SMYD3: variants seen among roughly 807,000 people sequenced by gnomAD.
SMYD3 encodes the protein histone-lysine N-methyltransferase SMYD3.
SMYD3 carries 36 observed loss-of-function variants against 57.7 expected under a neutral mutation model. The observed-to-expected ratio is 0.62, with a 90% CI of 0.48 to 0.82. SMYD3 has a LOEUF of 0.82. Ranked by LOEUF, SMYD3 falls within the 40% of genes least tolerant of loss-of-function variation. The pLI, the probability that SMYD3 is intolerant of heterozygous loss-of-function variation, is 0.00. For missense variants in SMYD3, 515 were observed against 538.8 expected, an observed-to-expected ratio of 0.96 and a Z score of 0.44; for synonymous variants, 211 against 195.0, an observed-to-expected ratio of 1.08 and a Z score of -0.68.
chr1:246,347,371 C>T (rs1193913628), intron 2 of SMYD3, among the ~76,000 whole-genome samples: 5 of 152,054 alleles, frequency 3.3e-5, no homozygotes, highest in Admixed American at 3.3e-4. Flanking sequence ...AAAATCTATA[C>T]TTAGGCATGT....
At chr1:245,997,227 G>C (rs1349398945) in intron 5 of SMYD3, among the ~76,000 whole-genome samples, 4 of 152,228 alleles carry the variant, frequency 2.6e-5, no homozygotes, top group South Asian at 2.1e-4. Flanking sequence ...AGGAGAAAAA[G>C]ATCAATTTGT....
intron 5 of SMYD3, among the ~76,000 whole-genome samples, chr1:246,130,304 A>G (rs138115343): frequency 5.2e-4 from 79 of 152,248 alleles, no homozygotes; most frequent in African/African-American, 1.8e-3. Context: ...AGGCCTCCAT[A>G]TTTTCAGTGT....
intron 5 of SMYD3, among the ~76,000 whole-genome samples, chr1:246,179,692 C>T (rs1316080826): frequency 6.6e-6 from 1 of 152,172 alleles, no homozygotes; most frequent in African/African-American, 2.4e-5. Flanking sequence ...ATATATATTT[C>T]TCAAAACCCA....
Position 246,433,051 on chromosome 1 carries a change from G to A in SMYD3, c.164+74003C>T, listed in dbSNP as rs575210995. Among the ~76,000 whole-genome samples the A allele has an allele frequency of 3.2e-4, 48 of 152,250 alleles. No individual in the cohort carries two copies. In the South Asian group the frequency reaches 3.5e-3, roughly 11 times the overall value. On this transcript the variant is annotated intron_variant, in intron 1 of 11. Transcript: ENST00000490107. ...AACTCTCTCTCTTTGCAGACAATATGATTCTATACCTATAAAACCCTAAAG... is the reference window on the plus strand; with the variant it reads ...AACTCTCTCTCTTTGCAGACAATATAATTCTATACCTATAAAACCCTAAAG...
intron 5 of SMYD3, among the ~76,000 whole-genome samples, chr1:246,110,601 AAGAC>A (rs1021791257): frequency 6.6e-6 from 1 of 152,214 alleles, no homozygotes; most frequent in Non-Finnish European, 1.5e-5. Flanking sequence ...TCCCCGCTGC[AAGAC>A]AGACAGATCT....
chr1:245,954,822 G>C (rs1035767726), intron 5 of SMYD3, among the ~76,000 whole-genome samples: 1 of 152,016 alleles, frequency 6.6e-6, no homozygotes, highest in African/African-American at 2.4e-5. Flanking sequence ...TCTCTTACTT[G>C]CAACTTTCCA....
intron 10 of SMYD3, among the ~76,000 whole-genome samples, chr1:245,766,319 G>C (rs916267812): frequency 1.4e-5 from 2 of 147,486 alleles, no homozygotes; most frequent in African/African-American, 5.0e-5. Context: ...AGAAATGCTT[G>C]AATCCAGGAG....
At chr1:245,978,916 G>A (rs902427819) in intron 5 of SMYD3, among the ~76,000 whole-genome samples, 1 of 152,192 alleles carries the variant, frequency 6.6e-6, no homozygotes, top group Admixed American at 6.5e-5. Context: ...ACCTGGGAAA[G>A]AGACCAAAAA....
At chr1:245,927,565 C>A (rs114972604) in intron 7 of SMYD3, among the ~76,000 whole-genome samples, 10 of 152,074 alleles carry the variant, frequency 6.6e-5, no homozygotes, top group African/African-American at 2.4e-5. Context: ...GATGCCCCCC[C>A]CTGCCCACGG....
intron 5 of SMYD3, among the ~76,000 whole-genome samples, chr1:246,268,122 G>C (rs2064146623): frequency 6.6e-6 from 1 of 152,130 alleles, no homozygotes; most frequent in African/African-American, 2.4e-5. Context: ...AGGCCTACTG[G>C]GCTGCATTCC....
intron 5 of SMYD3, among the ~76,000 whole-genome samples, chr1:246,238,638 T>A (rs1038775036): frequency 5.9e-5 from 9 of 152,166 alleles, no homozygotes; most frequent in African/African-American, 1.9e-4. Flanking sequence ...GCAGATTTCA[T>A]TTTCGTTTTT....
chr1:246,446,785 T>C (rs553974827), intron 1 of SMYD3, among the ~76,000 whole-genome samples: 1 of 152,214 alleles, frequency 6.6e-6, no homozygotes, highest in East Asian at 1.9e-4. Context: ...ATCCCAGCAC[T>C]TTGGGAGGCT....
chr1:245,757,212 C>A (rs1444100984), intron 11 of SMYD3, among the ~76,000 whole-genome samples: 1 of 152,048 alleles, frequency 6.6e-6, no homozygotes, highest in East Asian at 1.9e-4. Flanking sequence ...ATTCTAGGTA[C>A]CTCATATAAG....
At chr1:245,915,808 T>TA (rs2055368961) in intron 7 of SMYD3, among the ~76,000 whole-genome samples, 168 bp from the exon 8 acceptor site, 1 of 152,244 alleles carries the variant, frequency 6.6e-6, no homozygotes, top group South Asian at 2.1e-4. Context: ...TGATCACACG[T>TA]AAATTTTTAA....
In SMYD3 at chr1:246,364,413, C is replaced by T. The variant is rs149025457; in HGVS notation, c.165-9319G>A. 9.6e-4 allele frequency among the ~76,000 whole-genome samples: 146 copies of T among 152,240 alleles called. 1 individual carries two copies. The highest frequency in any genetic ancestry group is 3.4e-3 in the African/African-American group (140 of 41,540). On this transcript the variant is annotated intron_variant, in intron 1 of 11. Transcript: ENST00000490107. ...CTAAGCACTTCTGATATGACAGGCA[C>T]AGTACGAAGCTCTTTACATCTATTA...
intron 5 of SMYD3, among the ~76,000 whole-genome samples, chr1:245,967,519 C>G (rs975645088): frequency 2.0e-5 from 3 of 152,194 alleles, no homozygotes. Flanking sequence ...GGAGTTGTCT[C>G]TGAAAAGCTG....
chr1:246,008,689 G>C (rs1047283451), intron 5 of SMYD3, among the ~76,000 whole-genome samples: 2 of 152,116 alleles, frequency 1.3e-5, no homozygotes, highest in African/African-American at 4.8e-5. Flanking sequence ...CAACACCGGG[G>C]AACAAAGCAG....
intron 1 of SMYD3, among the ~76,000 whole-genome samples, chr1:246,444,953 C>G (rs937096878): frequency 6.6e-6 from 1 of 152,326 alleles, no homozygotes; most frequent in Admixed American, 6.5e-5. Context: ...TTGGATTCCA[C>G]CTGTACTACT....
intron 5 of SMYD3, among the ~76,000 whole-genome samples, chr1:246,121,268 AAAGAAC>A (rs539198466): frequency 1.3e-5 from 2 of 152,302 alleles, no homozygotes; most frequent in East Asian, 3.9e-4. Flanking sequence ...GTGTAGCAAC[AAAGAAC>A]CATTTGGAAG....
Sources: gnomAD v4.1 joint callset for allele counts (sites outside exome capture counted in the v4.1 genomes callset) on GRCh38, gnomAD v4.1.1 for gene constraint, MANE v1.5 for transcripts, NCBI Gene and HGNC (gene_info 2026-07-23, HGNC 2026-07-21) for gene names.